The following SPCS2 variants were observed in gnomAD, a reference collection of about 807,000 sequenced individuals.
The protein encoded by SPCS2 is SPase 25 kDa subunit.
A neutral mutation model predicts 22.3 loss-of-function variants in SPCS2; 3 were observed. The ratio of observed to expected loss-of-function variants is 0.13; its 90% CI spans 0.06 to 0.35. The LOEUF is 0.35. Ranked by LOEUF, SPCS2 falls within the 10% of genes least tolerant of loss-of-function variation. The pLI is 1.00. For missense variants in SPCS2, 169 were observed against 280.9 expected (o/e 0.60, Z 2.85); for synonymous variants, 67 against 97.2 (o/e 0.69, Z 1.83).
chr11:74,970,164 G>A (rs969599493), intron 4 of SPCS2, among the ~76,000 whole-genome samples: 3 of 152,186 alleles, frequency 2.0e-5, no homozygotes, highest in Admixed American at 1.3e-4. Context: ...TGACACACAT[G>A]TGTTTTGTAG....
intron 1 of SPCS2, chr11:74,963,522 C>A: frequency 5.2e-6 from 2 of 382,404 alleles, no homozygotes; most frequent in Non-Finnish European, 1.0e-5. Flanking sequence ...TTATTTTTAT[C>A]CCATCTCTTA....
intron 1 of SPCS2, among the ~76,000 whole-genome samples, chr11:74,951,898 GAA>G (rs2140212612): frequency 6.6e-6 from 1 of 151,310 alleles, no homozygotes; most frequent in Admixed American, 6.6e-5. Flanking sequence ...GGGGAGAAAA[GAA>G]AGACATGCCA....
intron 3 of SPCS2, among the ~76,000 whole-genome samples, chr11:74,968,527 T>G (rs929449871): frequency 4.0e-5 from 6 of 149,950 alleles, no homozygotes; most frequent in African/African-American, 1.5e-4. Context: ...TGTTTTTTTT[T>G]TTTTTTGAGA....
At position 74,977,816 on chromosome 11, in the gene SPCS2, T is replaced by A. The variant is rs1165218998; in HGVS notation, c.*773T>A. The A allele has an allele frequency of 6.6e-6, 1 of 152,572 alleles. No individual in the cohort carries two copies. The highest frequency in any genetic ancestry group is 2.4e-5 in the African/African-American group (1 of 41,446). 9.5% of individuals were successfully genotyped at this position (152,572 alleles called of 1,614,324 possible). A position where few individuals can be genotyped will look rare whatever the true frequency, so the allele number is the denominator to read the frequency against. On this transcript the variant is annotated 3_prime_UTR_variant, in exon 5 of 5. Transcript: ENST00000263672. Reference sequence around the variant, plus strand: ...TTCTACTATAGGTTTTTTTCATTTTTAGGCTATTTTACTTGTCAAAGGCCC... The same window carrying A: ...TTCTACTATAGGTTTTTTTCATTTTAAGGCTATTTTACTTGTCAAAGGCCC...
intron 1 of SPCS2, among the ~76,000 whole-genome samples, chr11:74,964,822 T>G (rs7126450): frequency 0.025 from 3,754 of 152,266 alleles, 168 homozygotes; most frequent in African/African-American, 0.086. Context: ...TTTTAATTGT[T>G]TGGTCTTTTT....
At chr11:74,950,721 T>C (rs1256915730) in intron 1 of SPCS2, among the ~76,000 whole-genome samples, 3 of 152,178 alleles carry the variant, frequency 2.0e-5, no homozygotes, top group Non-Finnish European at 4.4e-5. Flanking sequence ...GCTTTTAACT[T>C]TTCTGTAGAG....
intron 4 of SPCS2, among the ~76,000 whole-genome samples, chr11:74,975,141 C>T (rs1948607854): frequency 6.6e-6 from 1 of 152,034 alleles, no homozygotes. Context: ...ATCTCCTTGG[C>T]TCTCATCCTC....
chr11:74,973,088 C>T (rs1463812025), intron 4 of SPCS2, among the ~76,000 whole-genome samples: 3 of 152,150 alleles, frequency 2.0e-5, no homozygotes, highest in Admixed American at 2.0e-4. Flanking sequence ...TGACCATAAC[C>T]TCTGAGGACA....
At chr11:74,972,984 C>T (rs967560601) in intron 4 of SPCS2, among the ~76,000 whole-genome samples, 1 of 151,800 alleles carries the variant, frequency 6.6e-6, no homozygotes, top group East Asian at 1.9e-4. Context: ...AACCAAACAT[C>T]GCATATTCTC....
rs369931462 is a variant in SPCS2 at position 74,954,311 on chromosome 11, T to C, written c.114+4912T>C. 8.5e-5 allele frequency among the ~76,000 whole-genome samples: 13 copies of C among 152,332 alleles called. No individual in the cohort carries two copies. The East Asian group carries it at 2.3e-3, about 27-fold the overall frequency. ...ACTTGCCCAAGACCACACAGTGAAT[T>C]AGTAACACTTACAGAACCTGGCTCC... is the stretch of plus-strand genomic sequence containing the variant. On this transcript the variant is annotated intron_variant, in intron 1 of 4. Coordinates refer to ENST00000263672, the MANE Select transcript of SPCS2 (RefSeq NM_014752.3).
chr11:74,950,481 A>G (rs1948394103), intron 1 of SPCS2, among the ~76,000 whole-genome samples: 1 of 152,226 alleles, frequency 6.6e-6, no homozygotes, highest in African/African-American at 2.4e-5. Flanking sequence ...AAACATGATT[A>G]TGTTGAGGGG....
chr11:74,956,084 A>C (rs1193493127), intron 1 of SPCS2, among the ~76,000 whole-genome samples: 1 of 151,414 alleles, frequency 6.6e-6, no homozygotes, highest in Admixed American at 6.6e-5. Flanking sequence ...CTTTCCTCCT[A>C]CGTCAACTAG....
intron 1 of SPCS2, among the ~76,000 whole-genome samples, chr11:74,962,573 A>G (rs1298021464): frequency 2.6e-5 from 4 of 152,110 alleles, no homozygotes; most frequent in African/African-American, 9.7e-5. Context: ...GATAGCTTTT[A>G]AAATACCCGA....
chr11:74,956,661 C>A (rs1948481060), intron 1 of SPCS2, among the ~76,000 whole-genome samples: 1 of 152,184 alleles, frequency 6.6e-6, no homozygotes, highest in Non-Finnish European at 1.5e-5. Context: ...AGCAGCCAGA[C>A]TGATGTTTTA....
chr11:74,954,061 A>G (rs1948462299), intron 1 of SPCS2, among the ~76,000 whole-genome samples: 1 of 152,132 alleles, frequency 6.6e-6, no homozygotes, highest in Non-Finnish European at 1.5e-5. Flanking sequence ...TTTTCTTCAC[A>G]TGTCTCTATT....
At chr11:74,962,461 A>G (rs1029592544) in intron 1 of SPCS2, among the ~76,000 whole-genome samples, 2 of 152,170 alleles carry the variant, frequency 1.3e-5, no homozygotes, top group Non-Finnish European at 2.9e-5. Flanking sequence ...GAGGTCCCAC[A>G]TAAAAGAAAC....
chr11:74,969,800 T>G, intron 4 of SPCS2, 101 bp downstream of exon 4: 1 of 1,320,266 alleles, frequency 7.6e-7, no homozygotes, highest in Non-Finnish European at 1.1e-6. Flanking sequence ...TCTATGTGGA[T>G]CATAGGGCTA....
chr11:74,950,147 T>A (rs1278516285), intron 1 of SPCS2, among the ~76,000 whole-genome samples: 1 of 152,220 alleles, frequency 6.6e-6, no homozygotes, highest in Non-Finnish European at 1.5e-5. Context: ...CCTTTCTTGC[T>A]CTTTGCACAG....
At chr11:74,959,438 G>A (rs919674917) in intron 1 of SPCS2, among the ~76,000 whole-genome samples, 5 of 152,170 alleles carry the variant, frequency 3.3e-5, no homozygotes, top group Non-Finnish European at 7.3e-5. Context: ...TATTGTCCAG[G>A]CTGGAGTGCA....
Sources: gnomAD v4.1 joint callset for allele counts (sites outside exome capture counted in the v4.1 genomes callset) on GRCh38, gnomAD v4.1.1 for gene constraint, MANE v1.5 for transcripts, NCBI Gene and HGNC (gene_info 2026-07-23, HGNC 2026-07-21) for gene names.